METTL9: variants seen among roughly 807,000 people sequenced by gnomAD.
The protein encoded by METTL9 is protein-L-histidine N-pros-methyltransferase.
Under a neutral mutation model 36.0 loss-of-function variants are expected in METTL9, and 10 were observed. The ratio of observed to expected loss-of-function variants is 0.28; its 90% CI spans 0.17 to 0.47. METTL9 has a LOEUF of 0.47. Ranked by LOEUF, METTL9 falls within the 20% of genes least tolerant of loss-of-function variation. METTL9 has a pLI of 0.99. For synonymous variants in METTL9, 175 were observed against 149.7 expected (o/e 1.17, Z -1.23); for missense variants, 246 against 383.5 (o/e 0.64, Z 3.00).
chr16:21,602,599 A>T (rs1965163070), intron 1 of METTL9, among the ~76,000 whole-genome samples: 1 of 152,202 alleles, frequency 6.6e-6, no homozygotes, highest in African/African-American at 2.4e-5. Context: ...TATCAAAATA[A>T]CATTTTGTAA....
At chr16:21,607,517 C>T (rs1965319781) in intron 1 of METTL9, among the ~76,000 whole-genome samples, 1 of 152,140 alleles carries the variant, frequency 6.6e-6, no homozygotes, top group African/African-American at 2.4e-5. Context: ...AGTTGTGTTG[C>T]CAGTAGGGAG....
Position 21,616,502 on chromosome 16 carries a change from G to C in METTL9, c.357-1363G>C, listed in dbSNP as rs377761348. 1.7e-3 allele frequency among the ~76,000 whole-genome samples: 265 copies of C among 152,266 alleles called. 7 individuals carry two copies. The South Asian group carries it at 0.055, about 31-fold the overall frequency. On this transcript the variant is annotated intron_variant, in intron 2 of 4. Transcript: ENST00000358154. ...AATAGGGATTGCGCTTTATTTCCCA[G>C]AGTGATGCTTCCATGAGACTTGGCT... is the stretch of plus-strand genomic sequence containing the variant.
chr16:21,620,046 C>T (rs1008734807), intron 3 of METTL9, among the ~76,000 whole-genome samples: 7 of 152,224 alleles, frequency 4.6e-5, no homozygotes, highest in African/African-American at 7.2e-5. Context: ...TGAACAGATA[C>T]GCTGTGGGAT....
intron 1 of METTL9, among the ~76,000 whole-genome samples, chr16:21,601,725 T>C (rs988675440): frequency 3.8e-5 from 5 of 130,042 alleles, no homozygotes; most frequent in African/African-American, 1.3e-4. Flanking sequence ...ACCGTATTTA[T>C]ATTCTGTGTG....
chr16:21,655,147 T>TA, intron 4 of METTL9, 80 bp from the exon 5 acceptor site: 1 of 1,301,690 alleles, frequency 7.7e-7, no homozygotes, highest in Non-Finnish European at 1.1e-6. Context: ...AAGTCCTTGG[T>TA]AGATATGGCT....
intron 4 of METTL9, among the ~76,000 whole-genome samples, chr16:21,631,596 G>C (rs1256033310): frequency 6.6e-6 from 1 of 152,100 alleles, no homozygotes; most frequent in South Asian, 2.1e-4. Context: ...TTAATCGCCC[G>C]GGAGGAACCA....
intron 1 of METTL9, among the ~76,000 whole-genome samples, chr16:21,601,546 T>C (rs1280139561): frequency 6.6e-6 from 1 of 152,164 alleles, no homozygotes; most frequent in African/African-American, 2.4e-5. Flanking sequence ...ATTTTAAAAT[T>C]GAAACACTAT....
rs187841789 is a variant in METTL9 at position 21,610,542 on chromosome 16, A to G, written c.166-2103A>G. 2.6e-5 allele frequency among the ~76,000 whole-genome samples: 4 copies of G among 152,346 alleles called. No homozygotes were observed. The East Asian group carries it at 7.7e-4, about 29-fold the overall frequency. ...TTGCTCTATTTTTGTTCTGTAGCAC[A>G]TTCTGTTCAATAAGCAGTTTCTTTC... is the stretch of plus-strand genomic sequence containing the variant. On this transcript the variant is annotated intron_variant, in intron 1 of 4. Transcript: ENST00000358154.
chr16:21,651,759 ATTTTATCTGCATCTTTC>A (rs1034415965), intron 4 of METTL9: 39 of 152,240 alleles, frequency 2.6e-4, no homozygotes, highest in Admixed American at 7.2e-4. Flanking sequence ...AATCCCAGCC[ATTTTATCTGCATCTTTC>A]AGAATATATC....
In METTL9 at chr16:21,605,257, C is replaced by CTTTTTTTTTTTT. The variant is rs3046231; in HGVS notation, c.165+5387_165+5398dup. Reference sequence around the variant, plus strand: ...GGGGTGGTAAAAATAGGCTTGCCTTCTTTTTTTTTTTTTTTTTTTTTTTTT... The same window carrying CTTTTTTTTTTTT: ...GGGGTGGTAAAAATAGGCTTGCCTTCTTTTTTTTTTTTTTTTTTTTTTTTTTTTTTTTTTTTT... On this transcript the variant is annotated intron_variant, in intron 1 of 4. Coordinates refer to ENST00000358154, the MANE Select transcript of METTL9 (RefSeq NM_016025.5). Among the ~76,000 whole-genome samples, 131 of 51,234 alleles carry CTTTTTTTTTTTT rather than the reference C, an allele frequency of 2.6e-3. 30 individuals carry two copies. The highest frequency in any genetic ancestry group is 3.5e-3 in the South Asian group (4 of 1,148). 33.6% of individuals were successfully genotyped at this position (51,234 alleles called of 152,430 possible). A position where few individuals can be genotyped will look rare whatever the true frequency, so the allele number is the denominator to read the frequency against.
intron 1 of METTL9, among the ~76,000 whole-genome samples, chr16:21,602,583 A>G (rs892250482): frequency 6.6e-6 from 1 of 152,206 alleles, no homozygotes; most frequent in Non-Finnish European, 1.5e-5. Flanking sequence ...ATGGTTACCA[A>G]GAAAATATCA....
chr16:21,610,423 A>C (rs753381832), intron 1 of METTL9, among the ~76,000 whole-genome samples: 7 of 152,214 alleles, frequency 4.6e-5, no homozygotes, highest in Non-Finnish European at 7.3e-5. Flanking sequence ...ACTTGTTTGC[A>C]GTTTCTGACA....
At chr16:21,625,380 A>G (rs1407815505) in intron 4 of METTL9, 8 of 450,174 alleles carry the variant, frequency 1.8e-5, no homozygotes, top group Admixed American at 6.8e-5. Flanking sequence ...TAAAAATGCA[A>G]CTGTATCTCT....
chr16:21,618,028 G>A lies in METTL9; in HGVS notation c.520G>A (p.Glu174Lys), dbSNP rs1965597310. ...SPHFEEIYAT[E>K]LSETMIWQLQ... ...TCATTTTGAAGAAATCTATGCCACT[G>A]AGCTTTCTGAAACTATGATATGGCA... Residue 174 changes from glutamate to lysine, a missense_variant, in exon 3 of 5, where the codon GAG becomes AAG. Physicochemically the swap from Glu to Lys is moderately conservative, Grantham distance 56. This residue lies in a region of METTL9 where 146 missense variants were observed against 302.1 expected (regional missense o/e 0.48). Coordinates refer to ENST00000358154, the MANE Select transcript of METTL9 (RefSeq NM_016025.5). 1.2e-6 allele frequency: 2 copies of A among 1,600,050 alleles called. No individual in the cohort carries two copies. The highest frequency in any genetic ancestry group is 1.7e-6 in the Non-Finnish European group (2 of 1,176,012).
upstream of METTL9, among the ~76,000 whole-genome samples, chr16:21,598,959 A>G (rs1441226839): frequency 6.6e-6 from 1 of 152,104 alleles, no homozygotes; most frequent in African/African-American, 2.4e-5. Context: ...GGCTTGGGGA[A>G]CGGGGCAGGC....
chr16:21,616,947 C>T (rs1469976231), intron 2 of METTL9, among the ~76,000 whole-genome samples: 1 of 152,090 alleles, frequency 6.6e-6, no homozygotes, highest in Non-Finnish European at 1.5e-5. Context: ...TTAAGTTCTT[C>T]ACATTCATCT....
At chr16:21,602,882 C>T (rs987973864) in intron 1 of METTL9, among the ~76,000 whole-genome samples, 31 of 152,104 alleles carry the variant, frequency 2.0e-4, no homozygotes, top group Non-Finnish European at 4.0e-4. Flanking sequence ...TGGTCTCAAA[C>T]TCCTGACCTC....
chr16:21,611,966 G>A (rs1236588738), intron 1 of METTL9: 1 of 152,128 alleles, frequency 6.6e-6, no homozygotes, highest in Non-Finnish European at 1.5e-5. Context: ...TGGTCTTCTC[G>A]TTGATTGCAG....
intron 4 of METTL9, among the ~76,000 whole-genome samples, chr16:21,644,904 G>A (rs139293772): frequency 3.9e-5 from 6 of 152,298 alleles, no homozygotes; most frequent in African/African-American, 7.2e-5. Context: ...ATTGAGGAGC[G>A]CAGTGCTCAC....
Sources: allele counts gnomAD v4.1 joint callset (sites outside exome capture counted in the v4.1 genomes callset), GRCh38; gene constraint gnomAD v4.1.1; regional missense constraint gnomAD v4.1.1; transcripts MANE v1.5; gene names NCBI Gene and HGNC (gene_info 2026-07-23, HGNC 2026-07-21).